The following SUGCT variants were observed in gnomAD, a reference collection of about 807,000 sequenced individuals.
SUGCT encodes the protein succinyl-CoA:glutarate-CoA transferase, also known as succinyl-CoA:glutarate CoA-transferase.
Under a neutral mutation model 55.0 loss-of-function variants are expected in SUGCT, and 41 were observed. The observed-to-expected ratio is 0.74, with a 90% CI of 0.58 to 0.97. The LOEUF is 0.97. Ranked by LOEUF, SUGCT falls within the 50% of genes least tolerant of loss-of-function variation. The pLI is 0.00. For synonymous variants in SUGCT, 187 were observed against 200.4 expected, an observed-to-expected ratio of 0.93 and a Z score of 0.56; for missense variants, 568 against 547.8, an observed-to-expected ratio of 1.04 and a Z score of -0.37.
At chr7:40,334,122 G>A (rs572166738) in intron 9 of SUGCT, among the ~76,000 whole-genome samples, 58 of 152,234 alleles carry the variant, frequency 3.8e-4, no homozygotes, top group African/African-American at 1.2e-3. Context: ...TGGTGTATAT[G>A]TGCCACATTT....
chr7:40,162,227 A>G (rs890405418), intron 1 of SUGCT, among the ~76,000 whole-genome samples: 2 of 152,122 alleles, frequency 1.3e-5, no homozygotes, highest in Non-Finnish European at 2.9e-5. Flanking sequence ...AAATGATTTG[A>G]AAAGGAATTA....
At chr7:40,828,908 G>C (rs1792505373) in intron 13 of SUGCT, among the ~76,000 whole-genome samples, 1 of 152,132 alleles carries the variant, frequency 6.6e-6, no homozygotes, top group African/African-American at 2.4e-5. Context: ...AGCGGTTTGG[G>C]GGCATGACTT....
intron 12 of SUGCT, among the ~76,000 whole-genome samples, chr7:40,517,112 A>G (rs989087376): frequency 2.0e-5 from 3 of 151,856 alleles, no homozygotes; most frequent in Admixed American, 2.0e-4. Context: ...TTTATTTCTT[A>G]ATTTCATTTT....
At chr7:40,504,088 A>G (rs184363976) in intron 12 of SUGCT, among the ~76,000 whole-genome samples, 15 of 152,336 alleles carry the variant, frequency 9.8e-5, no homozygotes, top group African/African-American at 3.4e-4. Flanking sequence ...ACGTTCGTCA[A>G]AGAGTACAAA....
chr7:40,198,999 A>C (rs1274563885), intron 6 of SUGCT, among the ~76,000 whole-genome samples: 5 of 151,890 alleles, frequency 3.3e-5, no homozygotes, highest in Non-Finnish European at 5.9e-5. Context: ...CCTCAAAAAA[A>C]AAAAAAGTTT....
chr7:40,889,255 G>T, the SUGCT span, among the ~76,000 whole-genome samples: 1 of 152,170 alleles, frequency 6.6e-6, no homozygotes, highest in Non-Finnish European at 1.5e-5. Flanking sequence ...AAGTACGGGG[G>T]ATCAGTCTGT....
downstream of SUGCT, among the ~76,000 whole-genome samples, chr7:40,863,474 A>G (rs1794529599): frequency 6.6e-6 from 1 of 152,202 alleles, no homozygotes. Context: ...TCAATGTTTC[A>G]TTCATACGTA....
chr7:40,774,146 T>C (rs906736788), intron 13 of SUGCT, among the ~76,000 whole-genome samples: 1 of 152,188 alleles, frequency 6.6e-6, no homozygotes, highest in Non-Finnish European at 1.5e-5. Flanking sequence ...GTAAAGCTTA[T>C]GATTATTTCC....
At chr7:40,904,863 C>T in the SUGCT span, among the ~76,000 whole-genome samples, 1 of 152,060 alleles carries the variant, frequency 6.6e-6, no homozygotes, top group Non-Finnish European at 1.5e-5. Flanking sequence ...ACTTCCTATT[C>T]TTTCACTTTC....
intron 7 of SUGCT, among the ~76,000 whole-genome samples, chr7:40,249,319 A>ATCTATATATATATATCTATATATATC (rs1562612016): frequency 2.5e-5 from 1 of 39,762 alleles, no homozygotes; most frequent in Non-Finnish European, 6.4e-5. Flanking sequence ...AAAGCTATAT[A>ATCTATATATATATATCTATATATATC]TATATATATA....
At chr7:40,417,165 T>C (rs1787050199) in intron 9 of SUGCT, among the ~76,000 whole-genome samples, 1 of 152,050 alleles carries the variant, frequency 6.6e-6, no homozygotes, top group Non-Finnish European at 1.5e-5. Context: ...TTTTGCATTT[T>C]ATTCATCCTG....
chr7:40,195,077 C>G lies in SUGCT; in HGVS notation c.484+17C>G. On this transcript the variant is annotated intron_variant, in intron 6 of 13. Coordinates refer to ENST00000335693, the MANE Select transcript of SUGCT (RefSeq NM_001193313.2). ...CCATCACAGGTATTTCAACCCCACACCCTTGTCAGTTAAAAGGTTTTCCAG... is the reference window on the plus strand; with the variant it reads ...CCATCACAGGTATTTCAACCCCACAGCCTTGTCAGTTAAAAGGTTTTCCAG... 2 of 1,602,116 alleles carry G rather than the reference C, an allele frequency of 1.2e-6. No homozygotes were observed. Among genetic ancestry groups the G allele is most frequent in the Non-Finnish European group, 1.7e-6 (2 of 1,174,266 alleles).
chr7:40,843,497 A>G (rs1174488520), intron 13 of SUGCT, among the ~76,000 whole-genome samples: 1 of 151,176 alleles, frequency 6.6e-6, no homozygotes, highest in Admixed American at 6.6e-5. Context: ...CAACAGAGAG[A>G]GACTCTGTCT....
At chr7:40,142,692 C>T (rs1788050637) in intron 1 of SUGCT, among the ~76,000 whole-genome samples, 1 of 152,206 alleles carries the variant, frequency 6.6e-6, no homozygotes, top group Non-Finnish European at 1.5e-5. Flanking sequence ...AGCACTCAGA[C>T]CTTGCAATGC....
chr7:40,334,161 T>G (rs893988604), intron 9 of SUGCT, among the ~76,000 whole-genome samples: 1 of 152,206 alleles, frequency 6.6e-6, no homozygotes, highest in African/African-American at 2.4e-5. Flanking sequence ...TTGATGGACC[T>G]TTGGGTTGGT....
the SUGCT span, among the ~76,000 whole-genome samples, chr7:40,895,408 A>T: frequency 6.6e-6 from 1 of 152,166 alleles, no homozygotes; most frequent in Admixed American, 6.5e-5. Context: ...ACCAAACCCC[A>T]ATGACATGCA....
intron 12 of SUGCT, among the ~76,000 whole-genome samples, chr7:40,727,790 G>A (rs561599033): frequency 1.8e-4 from 27 of 152,294 alleles, no homozygotes; most frequent in African/African-American, 6.5e-4. Flanking sequence ...TAAGAAAGAA[G>A]TGTTAATTTC....
intron 13 of SUGCT, among the ~76,000 whole-genome samples, chr7:40,820,742 C>T (rs771027300): frequency 6.6e-6 from 1 of 152,066 alleles, no homozygotes; most frequent in Non-Finnish European, 1.5e-5. Context: ...CTTTTCCTAA[C>T]TGAATACCCT....
At chr7:40,962,578 C>G in the SUGCT span, among the ~76,000 whole-genome samples, 1 of 133,650 alleles carries the variant, frequency 7.5e-6, no homozygotes, top group Middle Eastern at 3.9e-3. Flanking sequence ...CACACACACA[C>G]ACACACACAC....
Sources: gnomAD v4.1 joint callset for allele counts (sites outside exome capture counted in the v4.1 genomes callset) on GRCh38, gnomAD v4.1.1 for gene constraint, MANE v1.5 for transcripts, NCBI Gene and HGNC (gene_info 2026-07-23, HGNC 2026-07-21) for gene names.